Variants in CNTN4 observed in about 807,000 individuals in gnomAD.
CNTN4 encodes the protein contactin-4.
Under a neutral mutation model 122.5 loss-of-function variants are expected in CNTN4, and 77 were observed. That is an observed-to-expected ratio of 0.63 (90% CI 0.52 to 0.76). CNTN4 has a LOEUF of 0.76. CNTN4 is among the 30% of genes least tolerant of loss of function. The pLI, the probability that CNTN4 is intolerant of heterozygous loss-of-function variation, is 0.00. For missense variants in CNTN4, 1,256 were observed against 1,259.1 expected (o/e 1.00, Z 0.04); for synonymous variants, 512 against 447.0 (o/e 1.15, Z -1.83).
intron 2 of CNTN4, among the ~76,000 whole-genome samples, chr3:2,328,269 G>A (rs1187205395): frequency 8.7e-5 from 13 of 149,908 alleles, no homozygotes; most frequent in East Asian, 2.0e-4. Context: ...AGCCGGGCGT[G>A]GTGGCGGGCG....
At chr3:3,009,832 C>T (rs185576903) in intron 14 of CNTN4, among the ~76,000 whole-genome samples, 43 of 152,224 alleles carry the variant, frequency 2.8e-4, no homozygotes, top group Non-Finnish European at 1.3e-4. Context: ...GAGTGTGGCA[C>T]GAAAAAGCCT....
intron 4 of CNTN4, among the ~76,000 whole-genome samples, chr3:2,654,166 A>G (rs1235760411): frequency 6.6e-6 from 1 of 152,170 alleles, no homozygotes; most frequent in African/African-American, 2.4e-5. Flanking sequence ...TCCAAAGCTG[A>G]GCTATAGGAA....
At chr3:2,638,085 A>G (rs565984124) in intron 4 of CNTN4, among the ~76,000 whole-genome samples, 1 of 152,326 alleles carries the variant, frequency 6.6e-6, no homozygotes, top group East Asian at 1.9e-4. Flanking sequence ...CAGTGGTGGA[A>G]TTTATAGGAA....
intron 13 of CNTN4, among the ~76,000 whole-genome samples, chr3:2,950,034 G>T (rs1287095304): frequency 2.0e-5 from 3 of 152,184 alleles, no homozygotes; most frequent in Non-Finnish European, 4.4e-5. Context: ...GAAACATTTT[G>T]CTTCGCAAAG....
intron 14 of CNTN4, among the ~76,000 whole-genome samples, chr3:3,024,528 T>G (rs1424242238): frequency 6.6e-6 from 1 of 152,088 alleles, no homozygotes; most frequent in Non-Finnish European, 1.5e-5. Context: ...ACCTCTTTGC[T>G]GGCAGTACCT....
At chr3:2,723,813 T>C (rs1576575254) in intron 4 of CNTN4, among the ~76,000 whole-genome samples, 1 of 152,184 alleles carries the variant, frequency 6.6e-6, no homozygotes, top group East Asian at 1.9e-4. Context: ...GCAGTTGCCG[T>C]AGTGTATCAT....
intron 14 of CNTN4, among the ~76,000 whole-genome samples, chr3:2,991,694 GC>G (rs1268247607): frequency 6.6e-6 from 1 of 152,100 alleles, no homozygotes; most frequent in East Asian, 1.9e-4. Flanking sequence ...GCCCCATAAA[GC>G]ACGATATAGG....
At chr3:2,559,042 A>G (rs2078838222) in intron 3 of CNTN4, among the ~76,000 whole-genome samples, 1 of 152,202 alleles carries the variant, frequency 6.6e-6, no homozygotes, top group African/African-American at 2.4e-5. Flanking sequence ...GCCTGATTAA[A>G]CAAAGAACAT....
intron 13 of CNTN4, among the ~76,000 whole-genome samples, chr3:2,951,044 AATGGTGATAATAATGGT>A (rs1466859746): frequency 6.6e-6 from 1 of 152,232 alleles, no homozygotes; most frequent in African/African-American, 2.4e-5. Context: ...CCATCTGTTC[AATGGTGATAATAATGGT>A]AACCATCTTA....
intron 2 of CNTN4, among the ~76,000 whole-genome samples, chr3:2,246,096 C>A (rs192568531): frequency 3.3e-5 from 5 of 152,042 alleles, no homozygotes; most frequent in Admixed American, 6.6e-5. Flanking sequence ...TCCTCAGGTA[C>A]AGATTAAAAT....
At position 3,030,921 on chromosome 3, in the gene CNTN4, A is replaced by C; in HGVS notation, c.1729A>C (p.Met577Leu). 1.2e-6 allele frequency: 2 copies of C among 1,614,094 alleles called. No homozygotes were observed. Among genetic ancestry groups the C allele is most frequent in the South Asian group, 1.1e-5 (1 of 91,084 alleles). The stretch of plus-strand genomic sequence containing the variant: ...GAAGCATGCTGGGAAATATGTCTGC[A>C]TGGTCCAAACAAGTGTGGACAGGCT... ...QLKHAGKYVC[M>L]VQTSVDRLSA... Residue 577 changes from methionine to leucine, a missense_variant, in exon 16 of 25, where the codon ATG (methionine) becomes CTG (leucine). Met to Leu is a conservative substitution (Grantham distance 15). Transcript: ENST00000418658.
At chr3:2,607,777 T>C (rs1290245127) in intron 4 of CNTN4, among the ~76,000 whole-genome samples, 1 of 152,148 alleles carries the variant, frequency 6.6e-6, no homozygotes. Context: ...ATACATATGT[T>C]TTTAACCAAT....
At chr3:2,458,463 G>T (rs902876090) in intron 3 of CNTN4, among the ~76,000 whole-genome samples, 3 of 152,070 alleles carry the variant, frequency 2.0e-5, no homozygotes, top group African/African-American at 7.2e-5. Flanking sequence ...GATCAGATAT[G>T]TATAATTGAG....
chr3:2,765,035 C>T (rs542891582), intron 6 of CNTN4, among the ~76,000 whole-genome samples: 182 of 152,156 alleles, frequency 1.2e-3, no homozygotes, highest in African/African-American at 4.2e-3. Context: ...AATGCATTTC[C>T]GTCAGAGGGA....
intron 3 of CNTN4, among the ~76,000 whole-genome samples, chr3:2,401,057 T>C (rs905787884): frequency 7.2e-5 from 11 of 152,126 alleles, no homozygotes; most frequent in Middle Eastern, 3.2e-3. Flanking sequence ...CAGGTATGTA[T>C]ACCAGATACT....
chr3:2,650,987 A>G (rs1450569158), intron 4 of CNTN4, among the ~76,000 whole-genome samples: 1 of 152,202 alleles, frequency 6.6e-6, no homozygotes, highest in African/African-American at 2.4e-5. Context: ...AGAACATCTA[A>G]TTCATTTACA....
intron 4 of CNTN4, among the ~76,000 whole-genome samples, chr3:2,669,370 C>T (rs2084363683): frequency 6.6e-6 from 1 of 152,068 alleles, no homozygotes; most frequent in East Asian, 1.9e-4. Flanking sequence ...TTTTCTAGTG[C>T]ATTTGCATAG....
At chr3:2,723,326 A>G (rs2087981675) in intron 4 of CNTN4, among the ~76,000 whole-genome samples, 1 of 152,330 alleles carries the variant, frequency 6.6e-6, no homozygotes, top group African/African-American at 2.4e-5. Context: ...ACTCACTCAC[A>G]TTTAATATGC....
intron 3 of CNTN4, among the ~76,000 whole-genome samples, chr3:2,409,541 T>C (rs76692367): frequency 0.011 from 1,605 of 152,252 alleles, 25 homozygotes; most frequent in African/African-American, 0.036. Context: ...GCCACTGTGC[T>C]CGGCCTCTAG....
Sources: gnomAD v4.1 joint callset for allele counts (sites outside exome capture counted in the v4.1 genomes callset) on GRCh38, gnomAD v4.1.1 for gene constraint, MANE v1.5 for transcripts, NCBI Gene and HGNC (gene_info 2026-07-23, HGNC 2026-07-21) for gene names.